The following MDGA2 variants were observed in gnomAD, a reference collection of about 807,000 sequenced individuals.
MDGA2 encodes MAM domain-containing glycosylphosphatidylinositol anchor protein 2.
In MDGA2, 40 loss-of-function variants were observed where a neutral mutation model predicts 117.8. The observed-to-expected ratio is 0.34, with a 90% CI of 0.26 to 0.44. The LOEUF (loss-of-function observed/expected upper bound fraction) is 0.44. MDGA2 is among the 20% of genes least tolerant of loss of function. MDGA2 has a pLI of 1.00. For missense variants in MDGA2, 1,123 were observed against 1,250.6 expected (o/e 0.90, Z 1.54); for synonymous variants, 452 against 439.0 (o/e 1.03, Z -0.37).
chr14:47,371,223 A>G (rs1891351707), intron 1 of MDGA2, among the ~76,000 whole-genome samples: 1 of 151,854 alleles, frequency 6.6e-6, no homozygotes, highest in African/African-American at 2.4e-5. Context: ...TTATTAAGCA[A>G]CAATTATGAT....
At chr14:47,339,797 A>C (rs1001647606) in intron 1 of MDGA2, among the ~76,000 whole-genome samples, 8 of 152,116 alleles carry the variant, frequency 5.3e-5, no homozygotes, top group Non-Finnish European at 1.2e-4. Context: ...GTATAGCAAC[A>C]CAAACAGACT....
At chr14:47,124,903 G>A (rs1053010485) in intron 5 of MDGA2, among the ~76,000 whole-genome samples, 2 of 152,072 alleles carry the variant, frequency 1.3e-5, no homozygotes, top group Non-Finnish European at 2.9e-5. Context: ...TTGACCTCTA[G>A]ACCTATGAGA....
At chr14:47,466,700 T>C (rs1362658790) in intron 1 of MDGA2, among the ~76,000 whole-genome samples, 2 of 152,158 alleles carry the variant, frequency 1.3e-5, no homozygotes, top group African/African-American at 4.8e-5. Flanking sequence ...AAGTGAAGTC[T>C]ACAAAATCCT....
At chr14:47,246,011 T>G (rs1328541280) in intron 2 of MDGA2, among the ~76,000 whole-genome samples, 1 of 151,820 alleles carries the variant, frequency 6.6e-6, no homozygotes, top group Non-Finnish European at 1.5e-5. Flanking sequence ...GAGCTAATGA[T>G]TAGTGGAGCT....
chr14:47,031,322 T>C (rs1042806704), intron 8 of MDGA2, among the ~76,000 whole-genome samples: 2 of 152,060 alleles, frequency 1.3e-5, no homozygotes, highest in Non-Finnish European at 2.9e-5. Flanking sequence ...TTTAGTTTTT[T>C]TGAGTGGTTA....
At chr14:47,647,197 T>C (rs1183191024) in intron 1 of MDGA2, among the ~76,000 whole-genome samples, 1 of 152,164 alleles carries the variant, frequency 6.6e-6, no homozygotes, top group African/African-American at 2.4e-5. Context: ...TTTTAATTAT[T>C]CAAGCATATT....
intron 1 of MDGA2, among the ~76,000 whole-genome samples, chr14:47,496,799 T>A (rs1894290965): frequency 6.6e-6 from 1 of 151,412 alleles, no homozygotes. Context: ...TATACATATA[T>A]GCTCAGTAAA....
intron 1 of MDGA2, among the ~76,000 whole-genome samples, chr14:47,465,519 G>C: frequency 6.6e-6 from 1 of 151,918 alleles, no homozygotes; most frequent in South Asian, 2.1e-4. Context: ...TGTAAGCAAA[G>C]GTCATGAACA....
intron 10 of MDGA2, among the ~76,000 whole-genome samples, chr14:46,914,922 T>C (rs1883843285): frequency 6.6e-6 from 1 of 152,150 alleles, no homozygotes; most frequent in Non-Finnish European, 1.5e-5. Flanking sequence ...ACAAAATATG[T>C]AACATAAATT....
At chr14:47,005,991 A>C (rs987483238) in intron 8 of MDGA2, among the ~76,000 whole-genome samples, 46 of 151,676 alleles carry the variant, frequency 3.0e-4, no homozygotes, top group African/African-American at 1.0e-3. Flanking sequence ...AGAGGATTAC[A>C]CTTTTCAGAA....
At chr14:47,144,301 G>T (rs990749517) in intron 3 of MDGA2, 27 bp from the exon 4 acceptor site, 2 of 1,508,478 alleles carry the variant, frequency 1.3e-6, no homozygotes, top group South Asian at 1.2e-5. Flanking sequence ...CAACCAAATG[G>T]CAATGTTATG....
chr14:47,322,088 G>T (rs1184071072), intron 1 of MDGA2, among the ~76,000 whole-genome samples: 1 of 152,134 alleles, frequency 6.6e-6, no homozygotes, highest in Non-Finnish European at 1.5e-5. Flanking sequence ...GACAGAGACA[G>T]AGCGATTCCC....
intron 3 of MDGA2, among the ~76,000 whole-genome samples, chr14:47,182,008 A>G (rs1268308433): frequency 6.6e-6 from 1 of 152,132 alleles, no homozygotes; most frequent in Non-Finnish European, 1.5e-5. Flanking sequence ...GTTGCTGATG[A>G]ACTAATCAAA....
chr14:47,339,490 C>T (rs866487765), intron 1 of MDGA2, among the ~76,000 whole-genome samples: 11 of 151,954 alleles, frequency 7.2e-5, no homozygotes, highest in Admixed American at 7.2e-4. Flanking sequence ...GGCAGATTCC[C>T]TCATGAATGG....
chr14:47,163,674 C>T (rs756502819), intron 3 of MDGA2, among the ~76,000 whole-genome samples: 4 of 152,128 alleles, frequency 2.6e-5, no homozygotes, highest in Admixed American at 6.5e-5. Flanking sequence ...AGCATGAAAA[C>T]GGACTAATAC....
intron 1 of MDGA2, among the ~76,000 whole-genome samples, chr14:47,508,930 T>C (rs1372337244): frequency 2.6e-5 from 4 of 152,160 alleles, no homozygotes; most frequent in Admixed American, 6.5e-5. Flanking sequence ...GACCTCGTGA[T>C]CCACCCGCCT....
intron 1 of MDGA2, among the ~76,000 whole-genome samples, chr14:47,432,437 A>C (rs1383879261): frequency 6.6e-6 from 1 of 152,024 alleles, no homozygotes; most frequent in African/African-American, 2.4e-5. Context: ...AAAGTTAATA[A>C]CTTATATGCA....
At chr14:46,852,783 G>C (rs923457211) in intron 15 of MDGA2, among the ~76,000 whole-genome samples, 2 of 151,838 alleles carry the variant, frequency 1.3e-5, no homozygotes, top group South Asian at 4.1e-4. Flanking sequence ...CATTACTCTA[G>C]TCTCGCCTAA....
intron 1 of MDGA2, among the ~76,000 whole-genome samples, chr14:47,660,642 G>A (rs1024630739): frequency 3.9e-5 from 6 of 152,264 alleles, no homozygotes; most frequent in African/African-American, 1.4e-4. Flanking sequence ...AATACTCGGA[G>A]GGAACTCAAC....
Sources: gnomAD v4.1 joint callset for allele counts (sites outside exome capture counted in the v4.1 genomes callset) on GRCh38, gnomAD v4.1.1 for gene constraint, MANE v1.5 for transcripts, NCBI Gene and HGNC (gene_info 2026-07-23, HGNC 2026-07-21) for gene names.